The following ETV6 variants were observed in gnomAD, a reference collection of about 807,000 sequenced individuals.
The protein encoded by ETV6 is ETS variant transcription factor 6.
A neutral mutation model predicts 51.1 loss-of-function variants in ETV6; 16 were observed. The ratio of observed to expected loss-of-function variants is 0.31; its 90% CI spans 0.21 to 0.48. ETV6 has a LOEUF of 0.48. Among genes scored for constraint, ETV6 ranks in the 20% least tolerant of loss-of-function variants. The probability of loss-of-function intolerance (pLI) is 0.99; values close to 1 mark genes in which losing one functional copy is unlikely to be tolerated. For missense variants in ETV6, 458 were observed against 594.8 expected, an observed-to-expected ratio of 0.77 and a Z score of 2.39; for synonymous variants, 240 against 224.1, an observed-to-expected ratio of 1.07 and a Z score of -0.64.
intron 3 of ETV6, among the ~76,000 whole-genome samples, 185 bp from the exon 4 acceptor site, chr12:11,853,242 C>T (rs932247690): frequency 1.3e-5 from 2 of 152,228 alleles, no homozygotes; most frequent in African/African-American, 4.8e-5. Context: ...AACTTCACAT[C>T]GCTCTGACCT....
chr12:11,728,914 C>T (rs1214395111), intron 1 of ETV6, among the ~76,000 whole-genome samples: 2 of 152,192 alleles, frequency 1.3e-5, no homozygotes. Flanking sequence ...CTACATGGTT[C>T]CATAGTTATC....
intron 4 of ETV6, among the ~76,000 whole-genome samples, chr12:11,859,802 G>A (rs1946687916): frequency 6.6e-6 from 1 of 152,204 alleles, no homozygotes; most frequent in Non-Finnish European, 1.5e-5. Context: ...TAGTGGAGAT[G>A]AGAACGCCAA....
At chr12:11,853,651 T>C in intron 4 of ETV6, 90 bp downstream of exon 4, 1 of 1,447,092 alleles carries the variant, frequency 6.9e-7, no homozygotes, top group Non-Finnish European at 9.5e-7. Flanking sequence ...CTTCTTCGTG[T>C]AAGTTCACTT....
At chr12:11,791,771 G>GT (rs1296099837) in intron 2 of ETV6, among the ~76,000 whole-genome samples, 12 of 150,446 alleles carry the variant, frequency 8.0e-5, no homozygotes, top group South Asian at 6.3e-4. Context: ...GTTATATGCT[G>GT]TTTTTTTTTA....
chr12:11,702,559 T>TC (rs575314541), intron 1 of ETV6, among the ~76,000 whole-genome samples: 199 of 150,178 alleles, frequency 1.3e-3, no homozygotes, highest in African/African-American at 4.2e-3. Flanking sequence ...AGGAGAAGTA[T>TC]CCCCCCCATC....
At chr12:11,767,826 A>G (rs543308415) in intron 2 of ETV6, among the ~76,000 whole-genome samples, 1 of 152,342 alleles carries the variant, frequency 6.6e-6, no homozygotes, top group South Asian at 2.1e-4. Context: ...CACTTTTTTA[A>G]TAAGTATATC....
chr12:11,692,303 G>A (rs555940972), intron 1 of ETV6, among the ~76,000 whole-genome samples: 39 of 152,196 alleles, frequency 2.6e-4, no homozygotes, highest in African/African-American at 9.1e-4. Flanking sequence ...CCCTCCTAGC[G>A]TGAAAGCCCT....
At position 11,768,584 on chromosome 12, in the gene ETV6, C is replaced by T. The variant is rs748273770; in HGVS notation, c.163+16005C>T. On this transcript the variant is annotated intron_variant, in intron 2 of 7. Coordinates refer to ENST00000396373, the MANE Select transcript of ETV6 (RefSeq NM_001987.5). ...GTTAAATTGACCTTATGCTTAGAAC[C>T]GAAGTCAAACCCGTACCAGGGCTGC... Among the ~76,000 whole-genome samples, 9 of 152,260 alleles carry T rather than the reference C, an allele frequency of 5.9e-5. No individual in the cohort carries two copies. The South Asian group carries it at 6.2e-4, about 11-fold the overall frequency.
At chr12:11,736,873 A>G (rs1483995274) in intron 1 of ETV6, among the ~76,000 whole-genome samples, 1 of 152,258 alleles carries the variant, frequency 6.6e-6, no homozygotes, top group African/African-American at 2.4e-5. Flanking sequence ...CACTAGAAAT[A>G]CTTTGAGCTC....
chr12:11,773,595 A>G (rs1162619244), intron 2 of ETV6, among the ~76,000 whole-genome samples: 1 of 152,206 alleles, frequency 6.6e-6, no homozygotes, highest in Non-Finnish European at 1.5e-5. Flanking sequence ...ACCCCTTTGA[A>G]GGAGACTTTA....
At chr12:11,812,757 C>G (rs964797448) in intron 2 of ETV6, among the ~76,000 whole-genome samples, 1 of 152,192 alleles carries the variant, frequency 6.6e-6, no homozygotes, top group African/African-American at 2.4e-5. Context: ...AGGGGAGGCT[C>G]CTGCGTGAAG....
At chr12:11,716,129 G>A (rs1865270868) in intron 1 of ETV6, among the ~76,000 whole-genome samples, 1 of 152,024 alleles carries the variant, frequency 6.6e-6, no homozygotes, top group African/African-American at 2.4e-5. Context: ...GGGAGGCCGA[G>A]GCGGGTGGAT....
At chr12:11,675,519 A>G (rs573393843) in intron 1 of ETV6, among the ~76,000 whole-genome samples, 25 of 152,274 alleles carry the variant, frequency 1.6e-4, no homozygotes, top group Admixed American at 8.5e-4. Context: ...TTTTTCCTCT[A>G]AAAGAAATTT....
At chr12:11,847,407 T>C (rs550569217) in intron 3 of ETV6, among the ~76,000 whole-genome samples, 1 of 152,190 alleles carries the variant, frequency 6.6e-6, no homozygotes, top group Non-Finnish European at 1.5e-5. Context: ...TGGAGTAGAT[T>C]TAGCATAGAC....
intron 1 of ETV6, among the ~76,000 whole-genome samples, chr12:11,687,027 A>T (rs923074171): frequency 6.6e-6 from 1 of 152,032 alleles, no homozygotes. Flanking sequence ...CTGGGACTAC[A>T]GGCGCACACC....
intron 2 of ETV6, among the ~76,000 whole-genome samples, chr12:11,792,542 C>T (rs1156319525): frequency 6.6e-6 from 1 of 152,086 alleles, no homozygotes. Flanking sequence ...CAAAAATTAG[C>T]CAGGCGTGGT....
intron 1 of ETV6, among the ~76,000 whole-genome samples, chr12:11,730,747 A>C (rs931559399): frequency 1.3e-5 from 2 of 152,188 alleles, no homozygotes; most frequent in Non-Finnish European, 2.9e-5. Flanking sequence ...AGTGTACAAC[A>C]ATCAACCCTT....
chr12:11,834,043 A>G (rs1025599305), intron 2 of ETV6, among the ~76,000 whole-genome samples: 2 of 152,218 alleles, frequency 1.3e-5, no homozygotes, highest in Admixed American at 1.3e-4. Flanking sequence ...TGCGTTTAGG[A>G]ATTGAAGCCA....
chr12:11,726,888 C>T (rs1029899196), intron 1 of ETV6, among the ~76,000 whole-genome samples: 3 of 152,244 alleles, frequency 2.0e-5, no homozygotes, highest in Non-Finnish European at 4.4e-5. Context: ...CATCGACACA[C>T]ACATACACTT....
Sources: gnomAD v4.1 joint callset for allele counts (sites outside exome capture counted in the v4.1 genomes callset) on GRCh38, gnomAD v4.1.1 for gene constraint, MANE v1.5 for transcripts, NCBI Gene and HGNC (gene_info 2026-07-23, HGNC 2026-07-21) for gene names.